Variants in DCTN3 observed in about 807,000 individuals in gnomAD.
DCTN3 encodes dynactin subunit 3.
DCTN3 carries 25 observed loss-of-function variants against 28.4 expected under a neutral mutation model. The ratio of observed to expected loss-of-function variants is 0.88; its 90% CI spans 0.64 to 1.23. The LOEUF (loss-of-function observed/expected upper bound fraction) is 1.23. Among genes scored for constraint, DCTN3 ranks in the 50% most tolerant of loss-of-function variants. DCTN3 has a pLI of 0.00. For missense variants in DCTN3, 229 were observed against 232.0 expected, an observed-to-expected ratio of 0.99 and a Z score of 0.08; for synonymous variants, 81 against 91.4, an observed-to-expected ratio of 0.89 and a Z score of 0.65.
chr9:34,615,888 A>G, intron 4 of DCTN3, 142 bp downstream of exon 4: 1 of 578,352 alleles, frequency 1.7e-6, no homozygotes, highest in African/African-American at 2.1e-5. Context: ...GTGACAGAGT[A>G]CGACTCTGTC....
At chr9:34,620,318 G>T in intron 1 of DCTN3, 51 bp downstream of exon 1, 1 of 1,544,004 alleles carries the variant, frequency 6.5e-7, no homozygotes. Context: ...CCAGGACAGT[G>T]GACCGCTCTT....
chr9:34,616,070 C>T lies in DCTN3; in HGVS notation c.312G>A (p.Val104=). 1.9e-6 allele frequency: 3 copies of T among 1,614,138 alleles called. No homozygotes were observed. Among genetic ancestry groups the T allele is most frequent in the South Asian group, 1.1e-5 (1 of 91,082 alleles). ...TGTCCAGCATGGGCACCAAGGCATTCACCTGCTCCAGGAGTGCAACCTGGG... is the reference window on the plus strand; with the variant it reads ...TGTCCAGCATGGGCACCAAGGCATTTACCTGCTCCAGGAGTGCAACCTGGG... ...ILSQVALLEQ[V]NALVPMLDSA... The change falls in exon 4 of 7, where the codon GTG becomes GTA. Residue 104 remains valine, a synonymous_variant. Transcript: ENST00000259632. This position sits in a 1 kb window ranked among gnomAD's most constrained non-coding sequence, Gnocchi z 4.7.
At chr9:34,619,156 G>T (rs993347803) in intron 1 of DCTN3, among the ~76,000 whole-genome samples, 2 of 152,186 alleles carry the variant, frequency 1.3e-5, no homozygotes, top group Non-Finnish European at 2.9e-5. Flanking sequence ...AATTTGGTGT[G>T]GGAGATGGAA....
chr9:34,620,396 C>A lies in DCTN3; in HGVS notation c.69G>T (p.Gly23=). Residue 23 remains glycine, a synonymous_variant, in exon 1 of 7, where the codon GGG becomes GGT. Coordinates refer to ENST00000259632, the MANE Select transcript of DCTN3 (RefSeq NM_007234.5). ...RVEELERWVY[G]PGGARGSRKV... is the part of the protein sequence containing the mutation. ...TCCGTGAGCCGCGCGCCCCGCCCGG[C>A]CCGTACACCCAGCGCTCCAGCTCTT... 6.3e-7 allele frequency: 1 copy of A among 1,595,600 alleles called. No individual in the cohort carries two copies. Among genetic ancestry groups the A allele is most frequent in the Non-Finnish European group, 8.5e-7 (1 of 1,171,846 alleles).
intron 4 of DCTN3, 131 bp downstream of exon 4, chr9:34,615,899 C>CAAAAA: frequency 4.0e-5 from 18 of 449,578 alleles, no homozygotes; most frequent in South Asian, 5.5e-5. Context: ...CGACTCTGTC[C>CAAAAA]AAAAAAAAAA....
chr9:34,616,065 G>A lies in DCTN3; in HGVS notation c.317C>T (p.Ala106Val). The A allele has an allele frequency of 6.2e-7, 1 of 1,614,102 alleles. No homozygotes were observed. The highest frequency in any genetic ancestry group is 8.5e-7 in the Non-Finnish European group (1 of 1,179,982). The change falls in exon 4 of 7, where the codon GCC becomes GTC. Residue 106 changes from alanine (A) to valine (V), a missense_variant. Coordinates refer to ENST00000259632, the MANE Select transcript of DCTN3 (RefSeq NM_007234.5). The surrounding 1 kb of genome is among the most constrained non-coding windows in gnomAD (Gnocchi z 4.7). ...SQVALLEQVNALVPMLDSAHI... is the reference protein window; with the variant it reads ...SQVALLEQVNVLVPMLDSAHI... ...AGCACTGTCCAGCATGGGCACCAAG[G>A]CATTCACCTGCTCCAGGAGTGCAAC...
intron 3 of DCTN3, among the ~76,000 whole-genome samples, chr9:34,617,151 G>A (rs1016975872): frequency 3.9e-5 from 6 of 152,162 alleles, no homozygotes; most frequent in Non-Finnish European, 7.4e-5. Context: ...AGCCCTTTTA[G>A]CAGGAGTGGC....
At chr9:34,614,276 C>A in intron 5 of DCTN3, 175 bp from the exon 6 acceptor site, 1 of 1,469,730 alleles carries the variant, frequency 6.8e-7, no homozygotes, top group Non-Finnish European at 9.2e-7. Context: ...AGGATGGGTG[C>A]CCTAACAGCA....
chr9:34,617,593 C>A, intron 3 of DCTN3: 1 of 1,298,712 alleles, frequency 7.7e-7, no homozygotes, highest in Non-Finnish European at 1.0e-6. Context: ...GTCTAGTGAG[C>A]AGAAGTGAGG....
At position 34,617,832 on chromosome 9, in the gene DCTN3, C is replaced by T; in HGVS notation, c.268+53G>A. ...TGGAGAGGCCATCTCTGTGCTTAAC[C>T]TCCCCGACGACCCACATCCTCAGAT... On this transcript the variant is annotated intron_variant, in intron 3 of 6. Coordinates refer to ENST00000259632, the MANE Select transcript of DCTN3 (RefSeq NM_007234.5). 1.9e-6 allele frequency: 3 copies of T among 1,608,120 alleles called. 1 individual carries two copies. Among genetic ancestry groups the T allele is most frequent in the South Asian group, 2.2e-5 (2 of 90,020 alleles).
At position 34,618,819 on chromosome 9, in the gene DCTN3, G is replaced by C. The variant is rs972312561; in HGVS notation, c.97-59C>G. 2.3e-5 allele frequency: 31 copies of C among 1,359,678 alleles called. No homozygotes were observed. In the African/African-American group the frequency reaches 2.3e-4, roughly 10 times the overall value. 84.2% of individuals were successfully genotyped at this position (1,359,678 alleles called of 1,614,324 possible). ...ACTACCTGGCTCAAGGCTTGGAAAA[G>C]TTAAAGAACCCTCATTCTCCCAGAC... On this transcript the variant is annotated intron_variant, in intron 1 of 6. Coordinates refer to ENST00000259632, the MANE Select transcript of DCTN3 (RefSeq NM_007234.5).
intron 6 of DCTN3, 22 bp downstream of exon 6, chr9:34,614,020 C>T: frequency 6.2e-7 from 1 of 1,604,614 alleles, no homozygotes; most frequent in South Asian, 1.1e-5. Context: ...CCATTAGGGT[C>T]CTAGTTGAGC....
Position 34,620,415 on chromosome 9 carries a change from A to C in DCTN3, c.50T>G (p.Leu17Arg). 6.4e-7 allele frequency: 1 copy of C among 1,570,932 alleles called. No homozygotes were observed. The change falls in exon 1 of 7, where the codon CTG (leucine) becomes CGG (arginine). Residue 17 changes from leucine (L) to arginine (R), a missense_variant. By Grantham distance (102) the Leu-to-Arg change is moderately radical (BLOSUM62 -2). Transcript: ENST00000259632. ...GCCCGGCCCGTACACCCAGCGCTCC[A>C]GCTCTTCCACTCGGGCCTGTAGCCG... The part of the protein sequence containing the change: ...LQRLQARVEE[L>R]ERWVYGPGGA...
rs1820466246 is a variant in DCTN3, at chr9:34,618,122, C to T, written c.182-151G>A. On this transcript the variant is annotated intron_variant, in intron 2 of 6. Coordinates refer to ENST00000259632, the MANE Select transcript of DCTN3 (RefSeq NM_007234.5). ...CACATGAGCAGGGCTCCACCAGGCT[C>T]CCTATCCCCACTTCCCTATCTCTCC... 8.8e-6 allele frequency: 6 copies of T among 679,264 alleles called. No homozygotes were observed. The East Asian group carries it at 1.4e-4, about 16-fold the overall frequency. 42.1% of individuals were successfully genotyped at this position (679,264 alleles called of 1,614,324 possible).
intron 3 of DCTN3, chr9:34,617,592 G>A (rs1229399692): frequency 7.7e-7 from 1 of 1,294,576 alleles, no homozygotes; most frequent in Non-Finnish European, 1.0e-6. Flanking sequence ...TGTCTAGTGA[G>A]CAGAAGTGAG....
chr9:34,618,658 C>G lies in DCTN3; in HGVS notation c.181+18G>C, dbSNP rs768270189. ...GGGTGGGATGTCGGGCAGGCAGGCA[C>G]ATCATGGAAGCACTTACTCTTTTTG... On this transcript the variant is annotated intron_variant, in intron 2 of 6. Transcript: ENST00000259632. The G allele has an allele frequency of 5.6e-6, 9 of 1,606,642 alleles. No homozygotes were observed. The Admixed American group carries it at 1.5e-4, about 27-fold the overall frequency.
rs908347351 is a variant in DCTN3 at position 34,617,743 on chromosome 9, A to T, written c.268+142T>A. ...TACTAGAGGATCCATAGGATCCTCA[A>T]CCCAGAACCAGGCCACAATTCCAGA... On this transcript the variant is annotated intron_variant, in intron 3 of 6. Coordinates refer to ENST00000259632, the MANE Select transcript of DCTN3 (RefSeq NM_007234.5). The T allele has an allele frequency of 2.6e-6, 4 of 1,525,450 alleles. No homozygotes were observed. In the Admixed American group the frequency reaches 6.0e-5, roughly 23 times the overall value. The allele number at this position is 1,525,450 out of a possible 1,614,324, so 94.5% of individuals were successfully genotyped here.
rs548340379 is a variant in DCTN3 at position 34,618,483 on chromosome 9, T to C, written c.181+193A>G. On this transcript the variant is annotated intron_variant, in intron 2 of 6. Transcript: ENST00000259632. ...CATAACTTAGGACACTGTCATGGGC[T>C]TGAGGTTTAGCCACAAGGTAGAAAA... is the stretch of plus-strand genomic sequence containing the variant. Among the ~76,000 whole-genome samples, 4 of 152,348 alleles carry C rather than the reference T, an allele frequency of 2.6e-5. No individual in the cohort carries two copies. The East Asian group carries it at 7.7e-4, about 29-fold the overall frequency.
At chr9:34,614,144 C>T (rs1048952433) in intron 5 of DCTN3, 43 bp from the exon 6 acceptor site, 2 of 1,613,976 alleles carry the variant, frequency 1.2e-6, no homozygotes, top group Non-Finnish European at 1.7e-6. Flanking sequence ...TGGGCAAAGC[C>T]CACATCTTCC....
Sources: allele counts gnomAD v4.1 joint callset (sites outside exome capture counted in the v4.1 genomes callset), GRCh38; gene constraint gnomAD v4.1.1; non-coding constraint Gnocchi (gnomAD v3.1); transcripts MANE v1.5; gene names NCBI Gene and HGNC (gene_info 2026-07-23, HGNC 2026-07-21).